The following ABCA13 variants were observed in gnomAD, a reference collection of about 807,000 sequenced individuals.
ABCA13 encodes the protein ATP-binding cassette sub-family A member 13.
A neutral mutation model predicts 478.7 loss-of-function variants in ABCA13; 476 were observed. The ratio of observed to expected loss-of-function variants is 0.99; its 90% CI spans 0.92 to 1.07. ABCA13 has a LOEUF of 1.07. ABCA13 is among the 50% of genes least tolerant of loss of function. The probability of loss-of-function intolerance (pLI) is 0.00; values close to 1 mark genes in which losing one functional copy is unlikely to be tolerated. For missense variants in ABCA13, 6,060 were observed against 5,910.6 expected (o/e 1.03, Z -0.83); for synonymous variants, 2,252 against 2,158.9 (o/e 1.04, Z -1.20).
chr7:48,606,559 G>T (rs1434954042), intron 58 of ABCA13, among the ~76,000 whole-genome samples: 1 of 152,208 alleles, frequency 6.6e-6, no homozygotes, highest in Non-Finnish European at 1.5e-5. Context: ...GAACAGCAAA[G>T]ATTGCTGCCT....
chr7:48,468,276 A>G (rs1250796828), intron 44 of ABCA13, among the ~76,000 whole-genome samples: 1 of 151,720 alleles, frequency 6.6e-6, no homozygotes, highest in Non-Finnish European at 1.5e-5. Flanking sequence ...AGAGCCCCAA[A>G]CTCTCCTCCT....
chr7:48,406,090 C>T (rs533226235), intron 39 of ABCA13, among the ~76,000 whole-genome samples: 52 of 152,248 alleles, frequency 3.4e-4, no homozygotes, highest in African/African-American at 1.2e-3. Flanking sequence ...GCTCTTCTGT[C>T]GGAATACCAG....
chr7:48,628,044 G>T (rs939202265), intron 59 of ABCA13, among the ~76,000 whole-genome samples: 2 of 152,064 alleles, frequency 1.3e-5, no homozygotes, highest in Non-Finnish European at 2.9e-5. Context: ...CTGAACTTCG[G>T]GGGGACACGC....
At chr7:48,637,897 C>A (rs1008347758) in intron 59 of ABCA13, among the ~76,000 whole-genome samples, 3 of 152,156 alleles carry the variant, frequency 2.0e-5, no homozygotes, top group African/African-American at 7.2e-5. Flanking sequence ...ATGAACTGGG[C>A]ATCTGCAGGG....
At chr7:48,545,863 A>T (rs2131158994) in intron 55 of ABCA13, among the ~76,000 whole-genome samples, 1 of 151,980 alleles carries the variant, frequency 6.6e-6, no homozygotes, top group South Asian at 2.1e-4. Flanking sequence ...AAATTATGTG[A>T]AATATGGAGG....
chr7:48,198,482 T>C (rs550153037), intron 3 of ABCA13, 122 bp downstream of exon 3: 2 of 1,148,434 alleles, frequency 1.7e-6, no homozygotes, highest in African/African-American at 3.1e-5. Context: ...AGTATAGAAA[T>C]TAAAGTTTTA....
chr7:48,210,697 A>G lies in ABCA13; in HGVS notation c.288-8657A>G, dbSNP rs559205063. On this transcript the variant is annotated intron_variant, in intron 3 of 61. Transcript: ENST00000435803. Reference sequence around the variant, plus strand: ...TCTAGTTTTATTCCACTGTGGTCAGAAAAGATACTTAATATAATTTTAATT... The same window carrying G: ...TCTAGTTTTATTCCACTGTGGTCAGGAAAGATACTTAATATAATTTTAATT... Among the ~76,000 whole-genome samples the G allele has an allele frequency of 3.9e-5, 6 of 152,258 alleles. No individual in the cohort carries two copies. In the South Asian group the frequency reaches 1.2e-3, roughly 32 times the overall value.
At chr7:48,339,868 G>A (rs960180693) in intron 29 of ABCA13, among the ~76,000 whole-genome samples, 9 of 152,162 alleles carry the variant, frequency 5.9e-5, no homozygotes, top group Non-Finnish European at 8.8e-5. Flanking sequence ...CACGGGTGGG[G>A]TGGCGGTGGG....
intron 20 of ABCA13, among the ~76,000 whole-genome samples, chr7:48,292,176 C>A (rs539423038): frequency 6.6e-6 from 1 of 152,276 alleles, no homozygotes; most frequent in Admixed American, 6.5e-5. Flanking sequence ...GCAGGCCCCT[C>A]AACTTTACTC....
At chr7:48,358,599 T>G (rs1810338952) in intron 31 of ABCA13, among the ~76,000 whole-genome samples, 1 of 152,016 alleles carries the variant, frequency 6.6e-6, no homozygotes, top group African/African-American at 2.4e-5. Flanking sequence ...AAACATTTTG[T>G]TTTCATATTC....
chr7:48,350,089 C>T (rs1244309838), intron 29 of ABCA13, among the ~76,000 whole-genome samples: 1 of 152,212 alleles, frequency 6.6e-6, no homozygotes, highest in Non-Finnish European at 1.5e-5. Context: ...CGACTTTACT[C>T]TGCTGCTCTA....
intron 59 of ABCA13, among the ~76,000 whole-genome samples, chr7:48,620,350 G>A (rs1200119505): frequency 6.6e-6 from 1 of 152,186 alleles, no homozygotes; most frequent in Admixed American, 6.5e-5. Context: ...CTCAGGCTAA[G>A]TAAAAGCAGC....
chr7:48,367,815 C>A lies in ABCA13; in HGVS notation c.10710C>A (p.Phe3570Leu). 1 of 1,569,518 alleles carries A rather than the reference C, an allele frequency of 6.4e-7. No homozygotes were observed. Among genetic ancestry groups the A allele is most frequent in the Admixed American group, 1.9e-5 (1 of 53,140 alleles). Residue 3570 changes from phenylalanine (F) to leucine (L), a missense_variant, in exon 32 of 62, where the codon TTC (phenylalanine) becomes TTA (leucine). Around this residue, in one of 3 missense-constraint regions of ABCA13, gnomAD observed 4,423 missense variants for 4,309.1 expected, o/e 1.03. Coordinates refer to ENST00000435803, the MANE Select transcript of ABCA13 (RefSeq NM_152701.5). ...ACAGATTCCTGAACAACGTTGGTTT[C>A]TTTTTTCCACTGATAATGATGCTGA... ...TSDLFLNNVGFFFPLIMMLTW... is the reference protein window; with the variant it reads ...TSDLFLNNVGLFFPLIMMLTW...
At chr7:48,565,406 GA>G (rs1391251192) in intron 55 of ABCA13, among the ~76,000 whole-genome samples, 2 of 151,980 alleles carry the variant, frequency 1.3e-5, no homozygotes, top group African/African-American at 2.4e-5. Context: ...AATCATTACT[GA>G]AGTCCCGAAA....
chr7:48,427,871 TG>T lies in ABCA13; in HGVS notation c.12565+1del, dbSNP rs748372799. 2 of 1,587,198 alleles carry T rather than the reference TG, an allele frequency of 1.3e-6. No individual in the cohort carries two copies. Among genetic ancestry groups the T allele is most frequent in the South Asian group, 2.3e-5 (2 of 86,824 alleles). Reference sequence around the variant, plus strand: ...GCCTACAGGACATCTGTCTGGCTACTGTAAGTACAGAATGGCTTCCTGCATT... The same window carrying T: ...GCCTACAGGACATCTGTCTGGCTACTTAAGTACAGAATGGCTTCCTGCATT... On this transcript the variant is annotated splice_donor_variant, in intron 42 of 61. Coordinates refer to ENST00000435803, the MANE Select transcript of ABCA13 (RefSeq NM_152701.5). LOFTEE classifies it high-confidence loss of function.
intron 42 of ABCA13, among the ~76,000 whole-genome samples, chr7:48,438,236 A>G (rs1029399196): frequency 2.0e-5 from 3 of 152,242 alleles, no homozygotes; most frequent in Admixed American, 6.5e-5. Context: ...TGACCCCACC[A>G]ATATGGGAAG....
rs144287818 is a variant in ABCA13 at position 48,457,780 on chromosome 7, T to A, written c.12815+2494T>A. ...GTGATTGCAAGTGCCCCACTTCTCA[T>A]GGTTAATTTCTGTCTAAAGAGAAAA... On this transcript the variant is annotated intron_variant, in intron 43 of 61. Coordinates refer to ENST00000435803, the MANE Select transcript of ABCA13 (RefSeq NM_152701.5). 1.1e-4 allele frequency among the ~76,000 whole-genome samples: 17 copies of A among 152,332 alleles called. No homozygotes were observed. In the East Asian group the frequency reaches 3.3e-3, roughly 29 times the overall value.
chr7:48,375,885 T>C (rs766162459), intron 34 of ABCA13, among the ~76,000 whole-genome samples: 18 of 152,282 alleles, frequency 1.2e-4, no homozygotes, highest in Admixed American at 3.3e-4. Context: ...AAGTACACAA[T>C]GATTAAAATG....
chr7:48,382,935 A>G (rs925521877), intron 35 of ABCA13, among the ~76,000 whole-genome samples: 1 of 152,132 alleles, frequency 6.6e-6, no homozygotes, highest in African/African-American at 2.4e-5. Context: ...CAGAAGGGCA[A>G]GGGATATGAT....
Sources: gnomAD v4.1 joint callset for allele counts (sites outside exome capture counted in the v4.1 genomes callset) on GRCh38, gnomAD v4.1.1 for gene constraint, gnomAD v4.1.1 regional missense constraint, MANE v1.5 for transcripts, NCBI Gene and HGNC (gene_info 2026-07-23, HGNC 2026-07-21) for gene names.